MFSD12: variants seen among roughly 807,000 people sequenced by gnomAD.
MFSD12 encodes the protein major facilitator superfamily domain-containing protein 12.
A neutral mutation model predicts 51.2 loss-of-function variants in MFSD12; 67 were observed. The ratio of observed to expected loss-of-function variants is 1.31; its 90% CI spans 1.08 to 1.60. MFSD12 has a LOEUF of 1.60. Among genes scored for constraint, MFSD12 ranks in the 40% most tolerant of loss-of-function variants. The pLI is 0.00. For missense variants in MFSD12, 921 were observed against 673.0 expected, an observed-to-expected ratio of 1.37 and a Z score of -4.08; for synonymous variants, 441 against 316.7, an observed-to-expected ratio of 1.39 and a Z score of -4.17.
In MFSD12 at chr19:3,551,122, T is replaced by C. The variant is rs767271306; in HGVS notation, c.371A>G (p.Glu124Gly). The change falls in exon 2 of 10, where the codon GAG becomes GGG. Residue 124 changes from glutamate (E) to glycine (G), a missense_variant. By Grantham distance (98) the Glu-to-Gly change is moderately conservative. Coordinates refer to ENST00000355415, the MANE Select transcript of MFSD12 (RefSeq NM_174983.5). The surrounding 1 kb of genome is among the most constrained non-coding windows in gnomAD (Gnocchi z 4.6). ...PCLGCGAATP[E>G]WAALLYYGPF... ...GCCGTAGTAGAGGAGGGCAGCCCAC[T>C]CGGGCGTGGCCGCCCCACAGCCCAG... 6.2e-7 allele frequency: 1 copy of C among 1,612,988 alleles called. No individual in the cohort carries two copies. Among genetic ancestry groups the C allele is most frequent in the Non-Finnish European group, 8.5e-7 (1 of 1,179,940 alleles).
rs958016694 is a variant in MFSD12 at position 3,544,955 on chromosome 19, G to A, written c.1290-16C>T. ...GAGCTCTGAGCTGTGGGAGGAGGCGGGGGATGAGTAGGCACCGCGGGTACC... is the reference window on the plus strand; with the variant it reads ...GAGCTCTGAGCTGTGGGAGGAGGCGAGGGATGAGTAGGCACCGCGGGTACC... On this transcript the variant is annotated splice_polypyrimidine_tract_variant and intron_variant, in intron 8 of 9. Coordinates refer to ENST00000355415, the MANE Select transcript of MFSD12 (RefSeq NM_174983.5). 1.4e-5 allele frequency: 22 copies of A among 1,597,954 alleles called. No homozygotes were observed. The highest frequency in any genetic ancestry group is 2.3e-5 in the East Asian group (1 of 44,180).
exon 5 of MFSD12, chr19:3,538,500 G>C (rs2030083832): frequency 2.9e-6 from 1 of 344,134 alleles, no homozygotes; most frequent in African/African-American, 2.2e-5. Flanking sequence ...CTGTGGATTG[G>C]TCTGTCCTGG....
chr19:3,552,483 T>TC (rs1173077112), intron 1 of MFSD12, among the ~76,000 whole-genome samples: 2 of 126,368 alleles, frequency 1.6e-5, no homozygotes, highest in Non-Finnish European at 3.4e-5. Flanking sequence ...TTTTTTTTTT[T>TC]TTTTTTTTTG....
downstream of MFSD12, among the ~76,000 whole-genome samples, chr19:3,541,006 TA>T (rs1410519413): frequency 6.8e-6 from 1 of 147,330 alleles, no homozygotes; most frequent in Non-Finnish European, 1.5e-5. Flanking sequence ...CCATCTGTAC[TA>T]AAAGTACAAA....
At chr19:3,550,478 A>G (rs962583014) in intron 2 of MFSD12, among the ~76,000 whole-genome samples, 9 of 149,678 alleles carry the variant, frequency 6.0e-5, no homozygotes, top group East Asian at 2.0e-4. Flanking sequence ...TGCAAGCTCC[A>G]CCTCCCGGGT....
In MFSD12 at chr19:3,557,242, G is replaced by T; in HGVS notation, c.162C>A (p.Ser54Arg). The T allele has an allele frequency of 6.3e-7, 1 of 1,594,094 alleles. No homozygotes were observed. Residue 54 changes from serine (S) to arginine (R), a missense_variant, in exon 1 of 10, where the codon AGC becomes AGA. Ser to Arg is a moderately radical substitution (Grantham distance 110, BLOSUM62 -1). Coordinates refer to ENST00000355415, the MANE Select transcript of MFSD12 (RefSeq NM_174983.5). ...LLYLHSVRAY[S>R]SRGAGLLLLL... is the part of the protein sequence containing the mutation. The stretch of plus-strand genomic sequence containing the variant: ...GCAGCAGCAGCCCCGCGCCGCGGGA[G>T]CTGTAGGCGCGCACCGAGTGCAGGT...
chr19:3,553,315 A>C (rs553286321), intron 1 of MFSD12, among the ~76,000 whole-genome samples: 2 of 152,098 alleles, frequency 1.3e-5, no homozygotes, highest in South Asian at 4.2e-4. Context: ...TTTTCAGAAA[A>C]CAGGGATAGT....
chr19:3,547,400 T>C (rs888972214), intron 5 of MFSD12, 36 bp from the exon 6 acceptor site: 5 of 1,611,970 alleles, frequency 3.1e-6, no homozygotes, highest in Non-Finnish European at 4.2e-6. Context: ...GTGTCAGTCA[T>C]GGCTCGCCAG....
chr19:3,543,405 G>T, downstream of MFSD12: 1 of 1,547,318 alleles, frequency 6.5e-7, no homozygotes, highest in Non-Finnish European at 8.7e-7. Flanking sequence ...GCCCCGGCCA[G>T]CCCCTTCCGC....
At chr19:3,540,266 T>G (rs1275145391), downstream of MFSD12, among the ~76,000 whole-genome samples, 9 of 118,090 alleles carry the variant, frequency 7.6e-5, no homozygotes, top group East Asian at 4.1e-4. Flanking sequence ...CTAATTTTTG[T>G]TTTTTTTTTT....
chr19:3,546,385 G>C lies in MFSD12; in HGVS notation c.1064C>G (p.Ala355Gly), dbSNP rs756180892. 7.5e-6 allele frequency: 12 copies of C among 1,607,504 alleles called. No individual in the cohort carries two copies. The highest frequency in any genetic ancestry group is 3.3e-5 in the South Asian group (3 of 90,206). ...FSGLLVILAF[A>G]AWVALAEGLG... The stretch of plus-strand genomic sequence containing the variant: ...TCCCTCCGCCAGCGCCACCCAGGCG[G>C]CAAAGGCCAGGATCACCAGGAGGCC... The change falls in exon 7 of 10, where the codon GCC becomes GGC. Residue 355 changes from alanine (A) to glycine (G), a missense_variant. Physicochemically the swap from Ala to Gly is moderately conservative, Grantham distance 60. Coordinates refer to ENST00000355415, the MANE Select transcript of MFSD12 (RefSeq NM_174983.5).
At chr19:3,540,200 C>G (rs934137728), downstream of MFSD12, among the ~76,000 whole-genome samples, 1 of 141,514 alleles carries the variant, frequency 7.1e-6, no homozygotes, top group Non-Finnish European at 1.5e-5. Flanking sequence ...TTCTAGGATT[C>G]TTCCATCTCA....
At chr19:3,541,378 A>T (rs1426920872), downstream of MFSD12, among the ~76,000 whole-genome samples, 1 of 149,096 alleles carries the variant, frequency 6.7e-6, no homozygotes, top group African/African-American at 2.5e-5. Context: ...GCTGGAGTGC[A>T]GTGGAATGAT....
At position 3,547,589 on chromosome 19, in the gene MFSD12, G is replaced by A. The variant is rs200234604; in HGVS notation, c.838-42C>T. On this transcript the variant is annotated intron_variant, in intron 4 of 9. Transcript: ENST00000355415. ...AGAGGGACTGGCAGGGGTCAGGAGG[G>A]CCTTCTCCACTCCCACCAGCAGGGG... The A allele has an allele frequency of 2.3e-5, 35 of 1,542,704 alleles. No homozygotes were observed. In the African/African-American group the frequency reaches 3.5e-4, roughly 16 times the overall value.
intron 1 of MFSD12, among the ~76,000 whole-genome samples, chr19:3,553,395 C>T (rs1019888610): frequency 2.6e-5 from 4 of 151,058 alleles, no homozygotes; most frequent in Admixed American, 2.0e-4. Flanking sequence ...ACTGCTTGAA[C>T]CCAGGAGGTC....
downstream of MFSD12, chr19:3,543,848 CG>C: frequency 6.5e-7 from 1 of 1,542,494 alleles, no homozygotes; most frequent in Non-Finnish European, 8.8e-7. Context: ...GGAACCGGTA[CG>C]GGGTGGAGCC....
At position 3,544,874 on chromosome 19, in the gene MFSD12, C is replaced by A; in HGVS notation, c.1355G>T (p.Gly452Val). 1.9e-6 allele frequency: 3 copies of A among 1,611,448 alleles called. No individual in the cohort carries two copies. Among genetic ancestry groups the A allele is most frequent in the Non-Finnish European group, 2.5e-6 (3 of 1,179,434 alleles). ...ACACAGGGCAGCGGCCACGCCCACG[C>A]CGCCCGTCACAGCCACCATCGCCCA... ...YHWAMVAVTG[G>V]VGVAAALCLC... is the part of the protein sequence containing the mutation. The change falls in exon 9 of 10, where the codon GGC becomes GTC. Residue 452 changes from glycine to valine, a missense_variant. By Grantham distance (109) the Gly-to-Val change is moderately radical. Coordinates refer to ENST00000355415, the MANE Select transcript of MFSD12 (RefSeq NM_174983.5).
chr19:3,543,829 T>A (rs1250712559), downstream of MFSD12: 19 of 1,526,766 alleles, frequency 1.2e-5, no homozygotes, highest in East Asian at 4.2e-4. Context: ...CCACCTACAG[T>A]GCTCAACAGG....
intron 8 of MFSD12, 28 bp from the exon 9 acceptor site, chr19:3,544,967 G>C: frequency 6.3e-7 from 1 of 1,584,474 alleles, no homozygotes; most frequent in South Asian, 1.1e-5. Context: ...GGATGAGTAG[G>C]CACCGCGGGT....
Sources: gnomAD v4.1 joint callset for allele counts (sites outside exome capture counted in the v4.1 genomes callset) on GRCh38, gnomAD v4.1.1 for gene constraint, Gnocchi (gnomAD v3.1) non-coding constraint, MANE v1.5 for transcripts, NCBI Gene and HGNC (gene_info 2026-07-23, HGNC 2026-07-21) for gene names.